Variants in PALM2AKAP2 observed in about 807,000 individuals in gnomAD.
The protein encoded by PALM2AKAP2 is PALM2 and AKAP2 fusion.
In PALM2AKAP2, 37 loss-of-function variants were observed where a neutral mutation model predicts 71.5. The observed-to-expected ratio is 0.52, with a 90% CI of 0.40 to 0.68. The LOEUF is 0.68. PALM2AKAP2 is among the 30% of genes least tolerant of loss of function. The probability of loss-of-function intolerance (pLI) is 0.00; values close to 1 mark genes in which losing one functional copy is unlikely to be tolerated. For synonymous variants in PALM2AKAP2, 468 were observed against 478.8 expected (o/e 0.98, Z 0.29); for missense variants, 1,224 against 1,191.8 (o/e 1.03, Z -0.40).
intron 6 of PALM2AKAP2, among the ~76,000 whole-genome samples, chr9:110,001,833 A>C (rs1832686902): frequency 6.6e-6 from 1 of 152,162 alleles, no homozygotes; most frequent in African/African-American, 2.4e-5. Context: ...ATTGGTGTAT[A>C]AGAATGCTTG....
chr9:109,820,045 C>T (rs899578346), intron 1 of PALM2AKAP2, among the ~76,000 whole-genome samples: 13 of 151,982 alleles, frequency 8.6e-5, no homozygotes, highest in African/African-American at 2.7e-4. Flanking sequence ...TCAGTATGTA[C>T]TGACATGAAG....
chr9:109,691,850 A>ATG, intron 1 of PALM2AKAP2, among the ~76,000 whole-genome samples: 1 of 30,364 alleles, frequency 3.3e-5, no homozygotes, highest in South Asian at 9.4e-4. Context: ...ATATATATAT[A>ATG]TATATATATA....
chr9:109,839,554 A>G (rs913204728), intron 1 of PALM2AKAP2, among the ~76,000 whole-genome samples: 3 of 152,172 alleles, frequency 2.0e-5, no homozygotes, highest in Non-Finnish European at 4.4e-5. Context: ...GGCAGGAGAA[A>G]GAAATAAAGG....
At chr9:109,739,555 C>G (rs763111220) in intron 1 of PALM2AKAP2, among the ~76,000 whole-genome samples, 46 of 152,128 alleles carry the variant, frequency 3.0e-4, no homozygotes, top group Non-Finnish European at 7.4e-5. Flanking sequence ...GTTGAGGGAA[C>G]AGAAGCTCCA....
intron 1 of PALM2AKAP2, among the ~76,000 whole-genome samples, chr9:109,810,358 G>C (rs561297320): frequency 6.6e-6 from 1 of 152,186 alleles, no homozygotes; most frequent in South Asian, 2.1e-4. Flanking sequence ...AATAAGAAGG[G>C]CTGGCCAGTG....
chr9:109,999,947 T>A (rs990890047), intron 6 of PALM2AKAP2, among the ~76,000 whole-genome samples: 1 of 152,044 alleles, frequency 6.6e-6, no homozygotes, highest in African/African-American at 2.4e-5. Flanking sequence ...CTTTCCTTTT[T>A]TTTTTTTTTA....
chr9:109,942,860 G>A, intron 6 of PALM2AKAP2: 1 of 1,614,162 alleles, frequency 6.2e-7, no homozygotes, highest in East Asian at 2.2e-5. Flanking sequence ...GTAGAAAATG[G>A]AGTGCACAAA....
intron 7 of PALM2AKAP2, among the ~76,000 whole-genome samples, chr9:110,042,828 A>G (rs1314671497): frequency 6.6e-6 from 1 of 152,166 alleles, no homozygotes; most frequent in African/African-American, 2.4e-5. Flanking sequence ...AGTAGGTGGC[A>G]TGTAATGTAT....
At position 110,153,070 on chromosome 9, in the gene PALM2AKAP2, A is replaced by G. The variant is rs547352769; in HGVS notation, c.2570-3249A>G. On this transcript the variant is annotated intron_variant, in intron 2 of 3. Transcript: ENST00000374525. ...TGGAAGCCCCTGCTCCAGAACTGCTAAGCCAGCCTTTCTTTCCTGCTACTT... is the reference window on the plus strand; with the variant it reads ...TGGAAGCCCCTGCTCCAGAACTGCTGAGCCAGCCTTTCTTTCCTGCTACTT... 7.2e-5 allele frequency among the ~76,000 whole-genome samples: 11 copies of G among 152,288 alleles called. No homozygotes were observed. In the South Asian group the frequency reaches 2.3e-3, roughly 32 times the overall value.
At chr9:110,044,424 T>C (rs917968859), upstream of PALM2AKAP2, among the ~76,000 whole-genome samples, 1 of 137,258 alleles carries the variant, frequency 7.3e-6, no homozygotes, top group Non-Finnish European at 1.5e-5. Flanking sequence ...TGATCTCAGC[T>C]CACTACAACT....
At chr9:109,648,967 T>C (rs1486124217) in intron 1 of PALM2AKAP2, among the ~76,000 whole-genome samples, 1 of 152,212 alleles carries the variant, frequency 6.6e-6, no homozygotes, top group African/African-American at 2.4e-5. Context: ...CATTGTGTTC[T>C]GGCATTGACC....
intron 1 of PALM2AKAP2, among the ~76,000 whole-genome samples, chr9:110,076,487 T>TTATATATATATATATATATATATATATA: frequency 1.7e-5 from 1 of 59,942 alleles, no homozygotes; most frequent in African/African-American, 1.1e-4. Flanking sequence ...ATCATATATA[T>TTATATATATATATATATATATATATATA]TCTACATATA....
intron 3 of PALM2AKAP2, among the ~76,000 whole-genome samples, chr9:109,909,610 A>G (rs1265882979): frequency 5.3e-5 from 8 of 152,240 alleles, no homozygotes; most frequent in East Asian, 1.9e-4. Flanking sequence ...CCCAAAATCC[A>G]TGAATGAGTG....
At chr9:110,100,051 C>CTATA (rs71373968) in intron 1 of PALM2AKAP2, among the ~76,000 whole-genome samples, 12,329 of 109,210 alleles carry the variant, frequency 0.11, 841 homozygotes, top group Middle Eastern at 0.16. Flanking sequence ...GTATGTGTGT[C>CTATA]TATATATATA....
chr9:109,781,277 A>G (rs1028193214), intron 1 of PALM2AKAP2, among the ~76,000 whole-genome samples: 1 of 152,186 alleles, frequency 6.6e-6, no homozygotes, highest in Admixed American at 6.5e-5. Flanking sequence ...GATTTGAGCA[A>G]TCTTAACACA....
upstream of PALM2AKAP2, among the ~76,000 whole-genome samples, chr9:110,047,053 G>A (rs567336576): frequency 3.3e-5 from 5 of 152,002 alleles, no homozygotes; most frequent in Admixed American, 2.0e-4. Flanking sequence ...TCCTTAAATC[G>A]GAGACATGAG....
chr9:110,138,484 C>T (rs1835950511), exon 2 of PALM2AKAP2: 1 of 1,613,944 alleles, frequency 6.2e-7, no homozygotes, highest in Non-Finnish European at 8.5e-7. Flanking sequence ...CGCAGAGCCC[C>T]AGGACAAAGA....
intron 1 of PALM2AKAP2, among the ~76,000 whole-genome samples, chr9:109,713,164 G>T (rs1451915251): frequency 1.3e-5 from 2 of 152,162 alleles, no homozygotes; most frequent in African/African-American, 4.8e-5. Flanking sequence ...CATCTATCAT[G>T]GTACTTGGCA....
At chr9:109,988,298 G>T (rs1209575064) in intron 6 of PALM2AKAP2, among the ~76,000 whole-genome samples, 1 of 152,084 alleles carries the variant, frequency 6.6e-6, no homozygotes, top group Non-Finnish European at 1.5e-5. Context: ...GAGTTAGTTT[G>T]TTTTCATTTC....
Sources: gnomAD v4.1 joint callset for allele counts (sites outside exome capture counted in the v4.1 genomes callset) on GRCh38, gnomAD v4.1.1 for gene constraint, MANE v1.5 for transcripts, NCBI Gene and HGNC (gene_info 2026-07-23, HGNC 2026-07-21) for gene names.